Variants in COX7B2 observed in about 807,000 individuals in gnomAD.
COX7B2 encodes cytochrome c oxidase subunit 7B2, mitochondrial.
For synonymous variants in COX7B2, 37 were observed against 32.1 expected, an observed-to-expected ratio of 1.15 and a Z score of -0.51; for missense variants, 109 against 95.9, an observed-to-expected ratio of 1.14 and a Z score of -0.57.
chr4:46,797,815 T>C (rs565691832), intron 2 of COX7B2, among the ~76,000 whole-genome samples: 4 of 152,190 alleles, frequency 2.6e-5, no homozygotes, highest in Non-Finnish European at 5.9e-5. Flanking sequence ...GTTGCATTGC[T>C]TGGGCAAATA....
chr4:46,875,334 G>A (rs1718254526), intron 1 of COX7B2, among the ~76,000 whole-genome samples: 1 of 152,162 alleles, frequency 6.6e-6, no homozygotes, highest in African/African-American at 2.4e-5. Context: ...ATTTTGCCCA[G>A]TAGCTTCTGG....
chr4:46,885,833 A>T (rs959158527), intron 1 of COX7B2, among the ~76,000 whole-genome samples: 1 of 152,190 alleles, frequency 6.6e-6, no homozygotes, highest in South Asian at 2.1e-4. Context: ...AGTTTTGAGT[A>T]ACAGTCTATC....
At chr4:46,746,000 C>T (rs1423973257) in intron 2 of COX7B2, among the ~76,000 whole-genome samples, 3 of 152,006 alleles carry the variant, frequency 2.0e-5, no homozygotes, top group African/African-American at 2.4e-5. Context: ...AGTAAAATTT[C>T]TATGCAAATA....
At chr4:46,823,354 A>G (rs1487053866) in intron 2 of COX7B2, among the ~76,000 whole-genome samples, 2 of 151,594 alleles carry the variant, frequency 1.3e-5, no homozygotes, top group South Asian at 2.1e-4. Flanking sequence ...GTGTGTATGT[A>G]TATCTCCTTG....
At chr4:46,758,527 AG>A (rs1423790906) in intron 2 of COX7B2, among the ~76,000 whole-genome samples, 1 of 152,176 alleles carries the variant, frequency 6.6e-6, no homozygotes, top group Non-Finnish European at 1.5e-5. Flanking sequence ...TGATATTACA[AG>A]GGAAAAATAA....
intron 2 of COX7B2, among the ~76,000 whole-genome samples, chr4:46,766,696 G>A (rs1011349685): frequency 5.3e-5 from 7 of 131,138 alleles, no homozygotes; most frequent in East Asian, 2.5e-4. Context: ...GAGAGACTCC[G>A]TCTCGAAAAG....
intron 2 of COX7B2, among the ~76,000 whole-genome samples, chr4:46,795,688 T>G (rs1718290573): frequency 4.9e-5 from 1 of 20,210 alleles, no homozygotes; most frequent in Non-Finnish European, 7.8e-5. Context: ...TGCGGGCTCT[T>G]TTTTGGTTCC....
intron 2 of COX7B2, among the ~76,000 whole-genome samples, chr4:46,762,407 ATAT>A (rs1253026995): frequency 1.9e-4 from 26 of 137,720 alleles, no homozygotes; most frequent in Middle Eastern, 3.7e-3. Context: ...ACAATATATA[ATAT>A]TATATAATAT....
intron 2 of COX7B2, among the ~76,000 whole-genome samples, chr4:46,782,238 T>C (rs1408843509): frequency 2.0e-5 from 3 of 152,186 alleles, no homozygotes; most frequent in African/African-American, 7.2e-5. Context: ...ACTCTGTATG[T>C]AGCTAATCTG....
intron 2 of COX7B2, among the ~76,000 whole-genome samples, chr4:46,767,117 C>A (rs901449799): frequency 6.6e-6 from 1 of 152,198 alleles, no homozygotes; most frequent in Non-Finnish European, 1.5e-5. Flanking sequence ...CCTACAGAGA[C>A]TGAGTTTAGC....
intron 2 of COX7B2, among the ~76,000 whole-genome samples, chr4:46,791,172 G>A (rs1030228251): frequency 1.7e-4 from 25 of 148,328 alleles, no homozygotes; most frequent in African/African-American, 4.0e-4. Flanking sequence ...CTAATTTTTT[G>A]TATTTTTTTT....
intron 2 of COX7B2, among the ~76,000 whole-genome samples, chr4:46,767,148 G>A (rs1716589889): frequency 6.6e-6 from 1 of 152,220 alleles, no homozygotes; most frequent in Admixed American, 6.5e-5. Context: ...CATGAAGGCT[G>A]AAAGTGGAGA....
At chr4:46,785,619 C>T (rs1032523205) in intron 2 of COX7B2, among the ~76,000 whole-genome samples, 4 of 152,184 alleles carry the variant, frequency 2.6e-5, no homozygotes, top group Admixed American at 6.5e-5. Flanking sequence ...ATCATTCATA[C>T]GTGTAAAGCC....
intron 2 of COX7B2, among the ~76,000 whole-genome samples, chr4:46,776,504 T>C (rs2109536014): frequency 6.6e-6 from 1 of 151,920 alleles, no homozygotes; most frequent in East Asian, 1.9e-4. Flanking sequence ...GGAAGCAAGA[T>C]ACGCACTGTT....
chr4:46,801,894 G>A (rs568383999), intron 2 of COX7B2, among the ~76,000 whole-genome samples: 1 of 152,156 alleles, frequency 6.6e-6, no homozygotes, highest in East Asian at 1.9e-4. Flanking sequence ...AATAGTGGGG[G>A]GAAAAAAGAA....
chr4:46,740,172 T>C (rs927101836), intron 2 of COX7B2, among the ~76,000 whole-genome samples: 3 of 152,040 alleles, frequency 2.0e-5, no homozygotes, highest in Admixed American at 2.0e-4. Context: ...TGGATGCAGC[T>C]TTTATGTTAA....
intron 2 of COX7B2, among the ~76,000 whole-genome samples, chr4:46,775,682 A>G (rs1342491269): frequency 6.6e-6 from 1 of 152,144 alleles, no homozygotes; most frequent in Non-Finnish European, 1.5e-5. Flanking sequence ...TCCATTACGT[A>G]TGATGTCTAC....
chr4:46,840,968 G>A (rs1244161380), intron 2 of COX7B2, among the ~76,000 whole-genome samples: 1 of 151,996 alleles, frequency 6.6e-6, no homozygotes. Context: ...CGGAGTTGGT[G>A]CATAAAGACA....
chr4:46,848,734 T>C (rs1277044228), intron 1 of COX7B2, among the ~76,000 whole-genome samples: 2 of 152,074 alleles, frequency 1.3e-5, no homozygotes, highest in African/African-American at 4.8e-5. Flanking sequence ...ACTTTATCTA[T>C]GTATATGTTT....
Sources: allele counts gnomAD v4.1 joint callset (sites outside exome capture counted in the v4.1 genomes callset), GRCh38; gene constraint gnomAD v4.1.1; transcripts MANE v1.5; gene names NCBI Gene and HGNC (gene_info 2026-07-23, HGNC 2026-07-21).